The following SSH1 variants were observed in gnomAD, a reference collection of about 807,000 sequenced individuals.
The protein encoded by SSH1 is slingshot protein phosphatase 1, also known as protein phosphatase Slingshot homolog 1.
A neutral mutation model predicts 79.7 loss-of-function variants in SSH1; 43 were observed. The ratio of observed to expected loss-of-function variants is 0.54; its 90% CI spans 0.42 to 0.70. SSH1 has a LOEUF of 0.70. Ranked by LOEUF, SSH1 falls within the 30% of genes least tolerant of loss-of-function variation. SSH1 has a pLI of 0.00. For synonymous variants in SSH1, 599 were observed against 538.3 expected (o/e 1.11, Z -1.56); for missense variants, 1,206 against 1,358.8 (o/e 0.89, Z 1.77).
chr12:108,806,444 G>T (rs2037279375), intron 8 of SSH1, 50 bp from the exon 9 acceptor site: 1 of 1,563,940 alleles, frequency 6.4e-7, no homozygotes, highest in South Asian at 1.1e-5. Context: ...AAAGCTTGTG[G>T]TCGGAGGTTA....
At chr12:108,839,429 G>A (rs1164028533) in intron 2 of SSH1, among the ~76,000 whole-genome samples, 1 of 152,214 alleles carries the variant, frequency 6.6e-6, no homozygotes, top group South Asian at 2.1e-4. Context: ...GAAGTGACAA[G>A]TGATTTCCAG....
chr12:108,812,919 G>T (rs913885609), intron 5 of SSH1, among the ~76,000 whole-genome samples: 2 of 149,734 alleles, frequency 1.3e-5, no homozygotes, highest in Non-Finnish European at 3.0e-5. Flanking sequence ...CTGGAATACA[G>T]TGGTGTAATC....
chr12:108,830,003 G>C (rs999123126), intron 2 of SSH1, among the ~76,000 whole-genome samples: 1 of 152,146 alleles, frequency 6.6e-6, no homozygotes, highest in Non-Finnish European at 1.5e-5. Flanking sequence ...CTGCTCAGGA[G>C]GCTGAGGTGG....
intron 1 of SSH1, chr12:108,853,167 C>CGTCT (rs1404775940): frequency 2.0e-6 from 2 of 985,250 alleles, no homozygotes; most frequent in African/African-American, 3.5e-5. Flanking sequence ...GGAATCAGGC[C>CGTCT]GTCTGTTTGT....
chr12:108,837,084 T>C, intron 2 of SSH1: 1 of 390,552 alleles, frequency 2.6e-6, no homozygotes, highest in Non-Finnish European at 5.4e-6. Context: ...ATACAAAAAT[T>C]AGCCGAGCGT....
intron 5 of SSH1, among the ~76,000 whole-genome samples, chr12:108,813,271 A>T (rs2037711293): frequency 6.6e-6 from 1 of 152,186 alleles, no homozygotes; most frequent in Non-Finnish European, 1.5e-5. Flanking sequence ...GTATGGCGGG[A>T]ACAGAGAAGC....
chr12:108,801,011 AAAAGG>A, intron 11 of SSH1, 85 bp from the exon 12 acceptor site: 1 of 1,367,574 alleles, frequency 7.3e-7, no homozygotes, highest in Non-Finnish European at 1.0e-6. Context: ...CAGAGAAAAG[AAAAGG>A]AAACACACAT....
rs1001260483 is a variant in SSH1 at position 108,853,060 on chromosome 12, T to A, written c.70-382A>T. 10 of 985,230 alleles carry A rather than the reference T, an allele frequency of 1.0e-5. No individual in the cohort carries two copies. The African/African-American group carries it at 1.7e-4, about 17-fold the overall frequency. The allele number at this position is 985,230 out of a possible 1,614,324, so 61.0% of individuals were successfully genotyped here. The stretch of plus-strand genomic sequence containing the variant: ...GGGAGGGGGTCATGTTTAAAGAGAA[T>A]CCACTTCCTCCGCAGAGCCAGGCAA... On this transcript the variant is annotated intron_variant, in intron 1 of 14. Transcript: ENST00000326495.
At chr12:108,844,504 G>GT (rs1325959220) in intron 2 of SSH1, among the ~76,000 whole-genome samples, 3 of 152,192 alleles carry the variant, frequency 2.0e-5, no homozygotes, top group African/African-American at 7.2e-5. Context: ...AGGCACATCT[G>GT]TAACGCTGAA....
chr12:108,829,001 A>T (rs2038404958), intron 2 of SSH1, among the ~76,000 whole-genome samples: 1 of 152,174 alleles, frequency 6.6e-6, no homozygotes, highest in Non-Finnish European at 1.5e-5. Context: ...TAGCATGGAC[A>T]ACGCCCATGG....
At chr12:108,847,824 G>C (rs2038932727) in intron 2 of SSH1, among the ~76,000 whole-genome samples, 1 of 152,208 alleles carries the variant, frequency 6.6e-6, no homozygotes, top group South Asian at 2.1e-4. Flanking sequence ...TTTGAGAGCA[G>C]TTAGGGATAC....
intron 2 of SSH1, chr12:108,826,351 C>T (rs996377338): frequency 1.2e-5 from 4 of 334,374 alleles, no homozygotes; most frequent in Non-Finnish European, 2.3e-5. Flanking sequence ...TTGATTGGGG[C>T]CCTGGAACAC....
rs533469396 is a variant in SSH1 at position 108,819,433 on chromosome 12, G to C, written c.215-1120C>G. ...AAGTTGTAAGGGAGGTGCATAATTA[G>C]TAAGTAGCAGGTGTGACTCCAAGGT... On this transcript the variant is annotated intron_variant, in intron 3 of 14. Transcript: ENST00000326495. Among the ~76,000 whole-genome samples, 6 of 152,354 alleles carry C rather than the reference G, an allele frequency of 3.9e-5. No homozygotes were observed. In the South Asian group the frequency reaches 1.2e-3, roughly 32 times the overall value.
chr12:108,825,929 A>C (rs1318555085), intron 2 of SSH1, among the ~76,000 whole-genome samples: 2 of 152,182 alleles, frequency 1.3e-5, no homozygotes, highest in African/African-American at 4.8e-5. Context: ...AACTGTTCTT[A>C]GACACAGATC....
At chr12:108,835,699 G>A (rs964228673) in intron 2 of SSH1, among the ~76,000 whole-genome samples, 2 of 151,928 alleles carry the variant, frequency 1.3e-5, no homozygotes, top group Non-Finnish European at 2.9e-5. Context: ...GGGAGGGGGT[G>A]TGGGATCCCA....
At chr12:108,835,771 G>C in intron 2 of SSH1, among the ~76,000 whole-genome samples, 1 of 151,424 alleles carries the variant, frequency 6.6e-6, no homozygotes. Context: ...GGGGCTGCAA[G>C]GGAGACAGAG....
chr12:108,785,744 T>C lies in SSH1; in HGVS notation c.*2244A>G, dbSNP rs1396992513. The C allele has an allele frequency of 2.1e-5, 3 of 145,006 alleles. No individual in the cohort carries two copies. Among genetic ancestry groups the C allele is most frequent in the African/African-American group, 5.8e-5 (2 of 34,636 alleles). The allele number at this position is 145,006 out of a possible 1,614,324, so 9.0% of individuals were successfully genotyped here. On this transcript the variant is annotated 3_prime_UTR_variant, in exon 15 of 15. Transcript: ENST00000326495. ...AGTTTTCAAAAATATATCATTCTCATACATAGACGTGGTTAAAAAACCAAC... is the reference window on the plus strand; with the variant it reads ...AGTTTTCAAAAATATATCATTCTCACACATAGACGTGGTTAAAAAACCAAC...
At chr12:108,801,335 G>A (rs1254098841) in intron 11 of SSH1, among the ~76,000 whole-genome samples, 2 of 152,074 alleles carry the variant, frequency 1.3e-5, no homozygotes, top group Non-Finnish European at 2.9e-5. Flanking sequence ...ATATCCTTGG[G>A]AACTGCCTTA....
chr12:108,799,768 T>TGGGGCTGGCCGTTTATTTGTAAGGAGGC (rs2036908541), intron 12 of SSH1, among the ~76,000 whole-genome samples: 1 of 152,126 alleles, frequency 6.6e-6, no homozygotes, highest in Non-Finnish European at 1.5e-5. Flanking sequence ...GAGTGGAAGA[T>TGGGGCTGGCCGTTTATTTGTAAGGAGGC]GGGGCTGGCC....
Sources: allele counts gnomAD v4.1 joint callset (sites outside exome capture counted in the v4.1 genomes callset), GRCh38; gene constraint gnomAD v4.1.1; transcripts MANE v1.5; gene names NCBI Gene and HGNC (gene_info 2026-07-23, HGNC 2026-07-21).